Variants in DLGAP1 observed in about 807,000 individuals in gnomAD.
DLGAP1 encodes disks large-associated protein 1.
Under a neutral mutation model 90.8 loss-of-function variants are expected in DLGAP1, and 11 were observed. The ratio of observed to expected loss-of-function variants is 0.12; its 90% CI spans 0.08 to 0.20. The LOEUF is 0.20. DLGAP1 is among the 10% of genes least tolerant of loss of function. The probability of loss-of-function intolerance (pLI) is 1.00; values close to 1 mark genes in which losing one functional copy is unlikely to be tolerated. For synonymous variants in DLGAP1, 558 were observed against 540.7 expected (o/e 1.03, Z -0.44); for missense variants, 1,050 against 1,333.8 (o/e 0.79, Z 3.31).
chr18:3,616,176 G>A (rs545672312), intron 7 of DLGAP1, among the ~76,000 whole-genome samples: 6 of 152,302 alleles, frequency 3.9e-5, no homozygotes, highest in Non-Finnish European at 8.8e-5. Flanking sequence ...CAGCCCTCGG[G>A]AGACTGCATT....
intron 3 of DLGAP1, among the ~76,000 whole-genome samples, chr18:3,914,824 A>AC (rs2072108459): frequency 6.6e-6 from 1 of 152,158 alleles, no homozygotes; most frequent in Admixed American, 6.5e-5. Flanking sequence ...GTTTTGGCTC[A>AC]CAGCAACCTC....
At chr18:4,426,700 C>G (rs1400619478) in intron 1 of DLGAP1, among the ~76,000 whole-genome samples, 1 of 152,206 alleles carries the variant, frequency 6.6e-6, no homozygotes, top group Non-Finnish European at 1.5e-5. Context: ...ACATCTAACA[C>G]ACGAAGTATC....
intron 1 of DLGAP1, among the ~76,000 whole-genome samples, chr18:4,161,076 T>A (rs1396401462): frequency 6.6e-6 from 1 of 151,684 alleles, no homozygotes; most frequent in African/African-American, 2.4e-5. Flanking sequence ...CACAGTTTAT[T>A]TTTTTCTTCA....
chr18:4,025,925 C>G (rs968260431), intron 2 of DLGAP1, among the ~76,000 whole-genome samples: 2 of 152,166 alleles, frequency 1.3e-5, no homozygotes, highest in African/African-American at 2.4e-5. Context: ...AAAGTAGTCT[C>G]ATCTCTAAAA....
Position 3,568,583 on chromosome 18 carries a change from T to C in DLGAP1, c.1966-1002A>G, listed in dbSNP as rs2054568308. On this transcript the variant is annotated intron_variant, in intron 8 of 12. Transcript: ENST00000315677. ...GTTATATAAAATTAAAATACAGAAA[T>C]ATATAATGTAGAAAGAGAAAGTCTC... Among the ~76,000 whole-genome samples the C allele has an allele frequency of 1.3e-5, 2 of 152,102 alleles. 1 individual carries two copies. The highest frequency in any genetic ancestry group is 4.1e-4 in the South Asian group (2 of 4,838).
intron 1 of DLGAP1, among the ~76,000 whole-genome samples, chr18:4,249,411 A>G (rs961061977): frequency 6.7e-6 from 1 of 148,438 alleles, no homozygotes; most frequent in Non-Finnish European, 1.5e-5. Context: ...TAAGGATCCC[A>G]GCAAGTTAAT....
chr18:4,365,320 G>A (rs2081737763), intron 1 of DLGAP1, among the ~76,000 whole-genome samples: 2 of 152,064 alleles, frequency 1.3e-5, no homozygotes, highest in African/African-American at 2.4e-5. Context: ...TAAACCCAAA[G>A]CCAACAGATT....
At chr18:4,245,011 C>G (rs2078624515) in intron 1 of DLGAP1, among the ~76,000 whole-genome samples, 3 of 152,276 alleles carry the variant, frequency 2.0e-5, no homozygotes, top group Middle Eastern at 3.4e-3. Context: ...GATTAAATCA[C>G]AGGAAATTGC....
chr18:3,663,952 T>G (rs781336169), intron 7 of DLGAP1, among the ~76,000 whole-genome samples: 1 of 152,186 alleles, frequency 6.6e-6, no homozygotes, highest in Non-Finnish European at 1.5e-5. Flanking sequence ...TGAGTTGAAG[T>G]CCTGAATAGA....
At chr18:3,646,450 C>G (rs1233490470) in intron 7 of DLGAP1, among the ~76,000 whole-genome samples, 1 of 152,084 alleles carries the variant, frequency 6.6e-6, no homozygotes, top group Non-Finnish European at 1.5e-5. Context: ...TAAACCAAAA[C>G]CATAATCAGA....
intron 2 of DLGAP1, among the ~76,000 whole-genome samples, chr18:4,006,759 C>T (rs779834522): frequency 1.3e-5 from 2 of 151,672 alleles, no homozygotes; most frequent in Non-Finnish European, 1.5e-5. Flanking sequence ...GATCCTTCTA[C>T]CTCACCCTCT....
At chr18:3,772,629 TTAA>T (rs1409739258) in intron 5 of DLGAP1, among the ~76,000 whole-genome samples, 7 of 151,666 alleles carry the variant, frequency 4.6e-5, no homozygotes, top group Non-Finnish European at 1.5e-5. Flanking sequence ...GGGAATTTTA[TTAA>T]TAATATTATT....
chr18:4,129,947 AT>A lies in DLGAP1; in HGVS notation c.-159+21232del, dbSNP rs752195218. On this transcript the variant is annotated intron_variant, in intron 2 of 12. Transcript: ENST00000315677. Reference sequence around the variant, plus strand: ...TATTGATGACATATCTAAATGGGACATTCTGGGCATTGTCCGGAGCATGCTG... The same window carrying A: ...TATTGATGACATATCTAAATGGGACATCTGGGCATTGTCCGGAGCATGCTG... Among the ~76,000 whole-genome samples, 18 of 152,336 alleles carry A rather than the reference AT, an allele frequency of 1.2e-4. No homozygotes were observed. In the South Asian group the frequency reaches 3.5e-3, roughly 30 times the overall value.
intron 1 of DLGAP1, among the ~76,000 whole-genome samples, chr18:4,311,081 T>C (rs1568506280): frequency 6.6e-6 from 1 of 152,118 alleles, no homozygotes; most frequent in Non-Finnish European, 1.5e-5. Flanking sequence ...AGAAAACAAC[T>C]AAAAAAATTC....
intron 2 of DLGAP1, among the ~76,000 whole-genome samples, chr18:4,099,297 ATC>A (rs2075736197): frequency 7.0e-5 from 1 of 14,266 alleles, no homozygotes; most frequent in South Asian, 2.4e-3. Context: ...TCTGTCTATC[ATC>A]TATCTATCTA....
intron 1 of DLGAP1, among the ~76,000 whole-genome samples, chr18:4,215,089 G>T (rs1482788642): frequency 1.3e-5 from 2 of 151,932 alleles, no homozygotes; most frequent in African/African-American, 4.8e-5. Context: ...ATTGTATTTT[G>T]CTCCAGTTTC....
chr18:3,809,802 A>T (rs1040982243), intron 5 of DLGAP1, among the ~76,000 whole-genome samples: 1 of 152,218 alleles, frequency 6.6e-6, no homozygotes, highest in African/African-American at 2.4e-5. Context: ...TTCTTTCTGC[A>T]GTGTATCAAA....
intron 3 of DLGAP1, among the ~76,000 whole-genome samples, chr18:3,957,707 A>G (rs531876272): frequency 1.3e-5 from 2 of 152,308 alleles, no homozygotes; most frequent in South Asian, 4.1e-4. Context: ...TGATGATTAA[A>G]AGCTATTGTC....
At chr18:3,856,329 AAG>A (rs1568244533) in intron 4 of DLGAP1, among the ~76,000 whole-genome samples, 1 of 152,356 alleles carries the variant, frequency 6.6e-6, no homozygotes, top group Non-Finnish European at 1.5e-5. Context: ...TGGGGTAAAA[AAG>A]AGTGTGAGAC....
Sources: gnomAD v4.1 joint callset for allele counts (sites outside exome capture counted in the v4.1 genomes callset) on GRCh38, gnomAD v4.1.1 for gene constraint, MANE v1.5 for transcripts, NCBI Gene and HGNC (gene_info 2026-07-23, HGNC 2026-07-21) for gene names.